Variants in EFHC2 observed in about 807,000 individuals in gnomAD.
EFHC2 encodes the protein EF-hand domain containing 2.
Under a neutral mutation model 52.7 loss-of-function variants are expected in EFHC2, and 18 were observed. The observed-to-expected ratio is 0.34, with a 90% CI of 0.24 to 0.51. EFHC2 has a LOEUF of 0.51. Ranked by LOEUF, EFHC2 falls within the 20% of genes least tolerant of loss-of-function variation. EFHC2 has a pLI of 0.97. For missense variants in EFHC2, 513 were observed against 562.5 expected (o/e 0.91, Z 0.89); for synonymous variants, 203 against 204.1 (o/e 0.99, Z 0.04).
At chrX:44,181,145 T>C (rs754771429) in intron 11 of EFHC2, among the ~76,000 whole-genome samples, 31 of 111,229 alleles carry the variant, frequency 2.8e-4, no homozygotes, top group African/African-American at 9.8e-4. Context: ...AGGATAGATG[T>C]CCATGCTATG....
chrX:44,153,908 C>T (rs1315546742), intron 14 of EFHC2, among the ~76,000 whole-genome samples: 1 of 112,355 alleles, frequency 8.9e-6, no homozygotes, highest in African/African-American at 3.2e-5. Context: ...CAATGCAAAG[C>T]AAACTCATAT....
intron 2 of EFHC2, among the ~76,000 whole-genome samples, chrX:44,283,461 C>T (rs2037724692): frequency 9.0e-6 from 1 of 111,341 alleles, no homozygotes; most frequent in African/African-American, 3.3e-5. Flanking sequence ...GGATTACAGG[C>T]GTAAGCCACG....
intron 14 of EFHC2, among the ~76,000 whole-genome samples, chrX:44,156,858 T>C (rs2036610008): frequency 8.9e-6 from 1 of 111,869 alleles, no homozygotes; most frequent in Admixed American, 9.5e-5. Flanking sequence ...GCAAACACAA[T>C]AGAATGGAAA....
rs145218378 is a variant in EFHC2 at position 44,283,477 on chromosome X, C to T, written c.232-10641G>A. 9.1e-3 allele frequency among the ~76,000 whole-genome samples: 1,011 copies of T among 110,690 alleles called. 9 individuals carry two copies. Among genetic ancestry groups the T allele is most frequent in the African/African-American group, 0.031 (950 of 30,434 alleles). Reference sequence around the variant, plus strand: ...GATTACAGGCGTAAGCCACGGCGCACGGCCGATCGGAAGCACTTTGACTCC... The same window carrying T: ...GATTACAGGCGTAAGCCACGGCGCATGGCCGATCGGAAGCACTTTGACTCC... On this transcript the variant is annotated intron_variant, in intron 2 of 14. Coordinates refer to ENST00000420999, the MANE Select transcript of EFHC2 (RefSeq NM_025184.4).
At chrX:44,322,549 C>A (rs191526512) in intron 1 of EFHC2, among the ~76,000 whole-genome samples, 7 of 111,948 alleles carry the variant, frequency 6.3e-5, no homozygotes, top group Admixed American at 2.8e-4. Flanking sequence ...AGAAGCCTGG[C>A]ATTCACCTTC....
At chrX:44,207,792 TCAACAACAA>T (rs747217052) in intron 11 of EFHC2, among the ~76,000 whole-genome samples, 7,568 of 110,163 alleles carry the variant, frequency 0.069, 271 homozygotes, top group Middle Eastern at 0.12. Context: ...TAAACTTAAA[TCAACAACAA>T]CAACAACAAC....
chrX:44,288,794 T>C (rs2037771909), intron 2 of EFHC2, among the ~76,000 whole-genome samples: 1 of 112,457 alleles, frequency 8.9e-6, no homozygotes, highest in Non-Finnish European at 1.9e-5. Flanking sequence ...TGTTTTATTG[T>C]GTATTTTTTA....
intron 1 of EFHC2, among the ~76,000 whole-genome samples, chrX:44,341,732 G>A (rs2038153091): frequency 8.9e-6 from 1 of 112,860 alleles, no homozygotes. Context: ...TTACAGGCGT[G>A]AGCCACTGCG....
chrX:44,210,530 T>C (rs1162298404), intron 11 of EFHC2, among the ~76,000 whole-genome samples: 2 of 112,463 alleles, frequency 1.8e-5, no homozygotes, highest in South Asian at 3.6e-4. Flanking sequence ...GGCCCATTCC[T>C]ACATGGACAA....
At chrX:44,301,642 C>T (rs780075494) in intron 2 of EFHC2, among the ~76,000 whole-genome samples, 29 of 111,909 alleles carry the variant, frequency 2.6e-4, no homozygotes, top group African/African-American at 9.4e-4. Context: ...CACCACAATC[C>T]AGTTTAAAAC....
intron 1 of EFHC2, among the ~76,000 whole-genome samples, chrX:44,315,976 G>A (rs1439486530): frequency 1.8e-5 from 2 of 111,300 alleles, no homozygotes; most frequent in African/African-American, 6.5e-5. Context: ...GCCTAATACC[G>A]GCCAGGCCCT....
intron 2 of EFHC2, among the ~76,000 whole-genome samples, chrX:44,283,199 T>C (rs896298030): frequency 1.8e-5 from 2 of 110,940 alleles, no homozygotes; most frequent in African/African-American, 6.6e-5. Flanking sequence ...TTGTTTGTTT[T>C]TGAGACAGAG....
At chrX:44,185,932 AAAG>A (rs1272534830) in intron 11 of EFHC2, among the ~76,000 whole-genome samples, 6 of 112,213 alleles carry the variant, frequency 5.3e-5, no homozygotes, top group Non-Finnish European at 1.1e-4. Context: ...ATTTTCTCAA[AAAG>A]AAGTACATCT....
At chrX:44,275,081 T>C (rs1160955601) in intron 2 of EFHC2, among the ~76,000 whole-genome samples, 4 of 111,517 alleles carry the variant, frequency 3.6e-5, no homozygotes, top group Non-Finnish European at 7.5e-5. Context: ...ATATACTGAA[T>C]GCTGCCAGTA....
chrX:44,197,766 T>C (rs1476860081), intron 11 of EFHC2, among the ~76,000 whole-genome samples: 3 of 113,022 alleles, frequency 2.7e-5, no homozygotes, highest in African/African-American at 9.6e-5. Flanking sequence ...CAAAATTTAC[T>C]TGAATGAAAA....
In EFHC2 at chrX:44,324,115, G is replaced by A. The variant is rs1276297576; in HGVS notation, c.43-11359C>T. ...CACAAGATTTCTAACCTCCCCAATTGCTCCCATAGATAACATTACTATTAT... is the reference window on the plus strand; with the variant it reads ...CACAAGATTTCTAACCTCCCCAATTACTCCCATAGATAACATTACTATTAT... On this transcript the variant is annotated intron_variant, in intron 1 of 14. Coordinates refer to ENST00000420999, the MANE Select transcript of EFHC2 (RefSeq NM_025184.4). Among the ~76,000 whole-genome samples, 3 of 110,694 alleles carry A rather than the reference G, an allele frequency of 2.7e-5. No homozygotes were observed. In the Admixed American group the frequency reaches 2.9e-4, roughly 11 times the overall value.
chrX:44,150,502 GT>G (rs1469366944), intron 14 of EFHC2, among the ~76,000 whole-genome samples: 2 of 111,989 alleles, frequency 1.8e-5, no homozygotes, highest in Non-Finnish European at 3.8e-5. Flanking sequence ...ACTTGAGGCT[GT>G]GGTTAGGGGA....
rs369644475 is a variant in EFHC2 at position 44,178,455 on chromosome X, T to C, written c.1861A>G (p.Ile621Val). ...TTGAACTTTTCGTGGGCCAGTGCGATTAAGAAATCCATATCTGAACATGTG... is the reference window on the plus strand; with the variant it reads ...TTGAACTTTTCGTGGGCCAGTGCGACTAAGAAATCCATATCTGAACATGTG... ...EGTCSDMDFL[I>V]ALAHEKFKKN... Residue 621 changes from isoleucine to valine, a missense_variant, in exon 12 of 15, where the codon ATC becomes GTC. Ile to Val is a conservative substitution (Grantham distance 29). Coordinates refer to ENST00000420999, the MANE Select transcript of EFHC2 (RefSeq NM_025184.4). 2.5e-6 allele frequency: 3 copies of C among 1,206,024 alleles called. No individual in the cohort carries two copies. In the African/African-American group the frequency reaches 5.2e-5, roughly 21 times the overall value.
intron 10 of EFHC2, among the ~76,000 whole-genome samples, chrX:44,230,407 T>C (rs971898747): frequency 1.8e-5 from 2 of 111,766 alleles, no homozygotes; most frequent in Admixed American, 1.9e-4. Context: ...TGAGATTAAA[T>C]TTTAAAATAA....
Sources: gnomAD v4.1 joint callset for allele counts (sites outside exome capture counted in the v4.1 genomes callset) on GRCh38, gnomAD v4.1.1 for gene constraint, MANE v1.5 for transcripts, NCBI Gene and HGNC (gene_info 2026-07-23, HGNC 2026-07-21) for gene names.